The following BABAM2 variants were observed in gnomAD, a reference collection of about 807,000 sequenced individuals.
The protein encoded by BABAM2 is BRISC and BRCA1 A complex member 2, also known as BRISC and BRCA1-A complex member 2.
Under a neutral mutation model 54.7 loss-of-function variants are expected in BABAM2, and 31 were observed. That is an observed-to-expected ratio of 0.57 (90% CI 0.43 to 0.77). The LOEUF (loss-of-function observed/expected upper bound fraction) is 0.77. BABAM2 is among the 30% of genes least tolerant of loss of function. BABAM2 has a pLI of 0.00. For synonymous variants in BABAM2, 167 were observed against 162.9 expected (o/e 1.03, Z -0.19); for missense variants, 364 against 455.8 (o/e 0.80, Z 1.83).
intron 7 of BABAM2, among the ~76,000 whole-genome samples, chr2:28,194,190 A>G (rs1288066588): frequency 6.6e-6 from 1 of 152,138 alleles, no homozygotes; most frequent in Non-Finnish European, 1.5e-5. Flanking sequence ...GAAGTTTCCC[A>G]GGACAGATGG....
chr2:27,913,705 G>T (rs1666769684), intron 2 of BABAM2, among the ~76,000 whole-genome samples: 1 of 152,112 alleles, frequency 6.6e-6, no homozygotes, highest in South Asian at 2.1e-4. Context: ...TGGCTTTTGG[G>T]CAAGGAGAGA....
chr2:28,270,000 TTACTC>T (rs1448979016), intron 10 of BABAM2, among the ~76,000 whole-genome samples: 2 of 152,168 alleles, frequency 1.3e-5, no homozygotes, highest in East Asian at 3.8e-4. Flanking sequence ...TCTATTTCCT[TTACTC>T]TATGCTGAGA....
At chr2:28,191,472 A>C (rs796710808) in intron 7 of BABAM2, among the ~76,000 whole-genome samples, 12 of 152,358 alleles carry the variant, frequency 7.9e-5, no homozygotes, top group African/African-American at 2.6e-4. Flanking sequence ...TATAATAGCC[A>C]AGAGGTGGAA....
intron 5 of BABAM2, among the ~76,000 whole-genome samples, chr2:28,026,823 T>A (rs1174105820): frequency 2.8e-5 from 2 of 70,654 alleles, no homozygotes; most frequent in African/African-American, 7.6e-5. Context: ...AATATATATT[T>A]ATATATATAA....
At position 28,138,563 on chromosome 2, in the gene BABAM2, G is replaced by A. The variant is rs181797288; in HGVS notation, c.680+9183G>A. Among the ~76,000 whole-genome samples the A allele has an allele frequency of 3.6e-3, 546 of 152,230 alleles. 1 individual carries two copies. The highest frequency in any genetic ancestry group is 4.8e-3 in the Non-Finnish European group (328 of 68,008). On this transcript the variant is annotated intron_variant, in intron 7 of 11. Transcript: ENST00000379624. Reference sequence around the variant, plus strand: ...TATAGTTCAGTTCTGCATTTTTAATGTCTTCTATATTGTCTCATGCTAGAA... The same window carrying A: ...TATAGTTCAGTTCTGCATTTTTAATATCTTCTATATTGTCTCATGCTAGAA...
intron 2 of BABAM2, among the ~76,000 whole-genome samples, chr2:27,914,419 G>T (rs6736141): frequency 0.99 from 151,214 of 152,352 alleles, 75,051 homozygotes; most frequent in East Asian, 1. Context: ...AGCCTTTGCT[G>T]CTATCATGGA....
chr2:28,030,461 G>T (rs1472817892), intron 5 of BABAM2, among the ~76,000 whole-genome samples: 1 of 152,164 alleles, frequency 6.6e-6, no homozygotes, highest in East Asian at 1.9e-4. Context: ...GCCTAGGGAA[G>T]GCCTAGTAGA....
intron 11 of BABAM2, among the ~76,000 whole-genome samples, chr2:28,306,809 G>A (rs961089749): frequency 6.6e-6 from 1 of 151,442 alleles, no homozygotes; most frequent in Admixed American, 6.6e-5. Context: ...CAATTCTCCT[G>A]CCTCAGCCTC....
chr2:27,910,583 C>T (rs1028440678), intron 2 of BABAM2, among the ~76,000 whole-genome samples: 6 of 152,054 alleles, frequency 3.9e-5, no homozygotes, highest in Non-Finnish European at 8.8e-5. Context: ...TCACTGACCC[C>T]TCTTCCCATG....
At chr2:28,308,404 C>A in intron 11 of BABAM2, 1 of 516,600 alleles carries the variant, frequency 1.9e-6, no homozygotes, top group Non-Finnish European at 3.8e-6. Flanking sequence ...TTCCCCCAAC[C>A]ACTGAGTCAG....
rs528801308 is a variant in BABAM2, at chr2:27,968,516, C to A, written c.206-19477C>A. 2.6e-4 allele frequency among the ~76,000 whole-genome samples: 39 copies of A among 152,304 alleles called. 1 individual carries two copies. The highest frequency in any genetic ancestry group is 8.7e-4 in the African/African-American group (36 of 41,562). ...CAGAAGGGAAATGTGGGGTTGGAGC[C>A]CCCACACAGAGTTCCTACTGGGGCA... On this transcript the variant is annotated intron_variant, in intron 3 of 11. Transcript: ENST00000379624.
At chr2:27,916,033 CATAA>C (rs1666942560) in intron 2 of BABAM2, among the ~76,000 whole-genome samples, 1 of 152,170 alleles carries the variant, frequency 6.6e-6, no homozygotes, top group Admixed American at 6.5e-5. Context: ...GAGATACAAA[CATAA>C]ATAAAGCATG....
At chr2:28,234,116 C>A (rs1162221133) in intron 7 of BABAM2, among the ~76,000 whole-genome samples, 1 of 152,164 alleles carries the variant, frequency 6.6e-6, no homozygotes, top group Non-Finnish European at 1.5e-5. Context: ...CGGTGACAGG[C>A]AAACCTGTGT....
At chr2:27,890,328 T>C (rs148593620), upstream of BABAM2, 11,431 of 1,613,096 alleles carry the variant, frequency 7.1e-3, 46 homozygotes, top group Middle Eastern at 9.4e-3. This position sits in a 1 kb window ranked among gnomAD's most constrained non-coding sequence, Gnocchi z 4.8. Context: ...GCCTCTGGGG[T>C]TCCCCAGACG....
intron 4 of BABAM2, among the ~76,000 whole-genome samples, chr2:28,007,106 A>T (rs1674033260): frequency 6.6e-6 from 1 of 151,908 alleles, no homozygotes; most frequent in African/African-American, 2.4e-5. Flanking sequence ...CTTAATTATC[A>T]TTATATTGTA....
intron 6 of BABAM2, among the ~76,000 whole-genome samples, chr2:28,077,253 A>G (rs1664769787): frequency 6.6e-6 from 1 of 152,236 alleles, no homozygotes; most frequent in South Asian, 2.1e-4. Flanking sequence ...TTCTTACAGC[A>G]TATTTAAATT....
At chr2:28,106,192 C>T (rs1425812959) in intron 6 of BABAM2, among the ~76,000 whole-genome samples, 2 of 152,104 alleles carry the variant, frequency 1.3e-5, no homozygotes, top group African/African-American at 4.8e-5. Context: ...CATACTACTA[C>T]CATCCAATTC....
chr2:28,226,713 G>A (rs982675067), intron 7 of BABAM2, among the ~76,000 whole-genome samples: 2 of 152,188 alleles, frequency 1.3e-5, no homozygotes, highest in African/African-American at 4.8e-5. Flanking sequence ...AGCCCGCCCC[G>A]CAAATGGCTG....
intron 6 of BABAM2, among the ~76,000 whole-genome samples, chr2:28,125,195 A>C (rs1359811568): frequency 1.3e-5 from 2 of 152,234 alleles, no homozygotes; most frequent in Non-Finnish European, 2.9e-5. Flanking sequence ...AGTGTTATCC[A>C]GTGATTCAGG....
Sources: gnomAD v4.1 joint callset for allele counts (sites outside exome capture counted in the v4.1 genomes callset) on GRCh38, gnomAD v4.1.1 for gene constraint, Gnocchi (gnomAD v3.1) non-coding constraint, MANE v1.5 for transcripts, NCBI Gene and HGNC (gene_info 2026-07-23, HGNC 2026-07-21) for gene names.